Variants in PKD1L1 observed in about 807,000 individuals in gnomAD.
The protein encoded by PKD1L1 is polycystin 1 like 1, transient receptor potential channel interacting.
PKD1L1 carries 236 observed loss-of-function variants against 323.4 expected under a neutral mutation model. The observed-to-expected ratio is 0.73, with a 90% CI of 0.66 to 0.81. The LOEUF is 0.81. Ranked by LOEUF, PKD1L1 falls within the 40% of genes least tolerant of loss-of-function variation. PKD1L1 has a pLI of 0.00. For synonymous variants in PKD1L1, 1,344 were observed against 1,335.0 expected, an observed-to-expected ratio of 1.01 and a Z score of -0.15; for missense variants, 3,320 against 3,508.0, an observed-to-expected ratio of 0.95 and a Z score of 1.35.
chr7:47,955,620 T>C, the PKD1L1 span, among the ~76,000 whole-genome samples: 6 of 152,210 alleles, frequency 3.9e-5, no homozygotes, highest in Non-Finnish European at 5.9e-5. Flanking sequence ...CAAACCATAG[T>C]TTATTTAACC....
intron 2 of PKD1L1, among the ~76,000 whole-genome samples, chr7:47,940,635 AG>A (rs1415687380): frequency 6.6e-6 from 1 of 152,220 alleles, no homozygotes; most frequent in Non-Finnish European, 1.5e-5. Context: ...TGAGGGTCAA[AG>A]GTCCTGCTCA....
At chr7:47,932,160 G>A in intron 4 of PKD1L1, 104 bp from the exon 5 acceptor site, 1 of 1,476,860 alleles carries the variant, frequency 6.8e-7, no homozygotes, top group Admixed American at 2.2e-5. Flanking sequence ...AGGCTTTGCT[G>A]GAAATTCCCT....
chr7:47,879,982 A>T (rs1484245228), intron 21 of PKD1L1, among the ~76,000 whole-genome samples: 2 of 151,392 alleles, frequency 1.3e-5, no homozygotes, highest in Non-Finnish European at 2.9e-5. Context: ...TGCTTGTCAT[A>T]TGGAATGAAA....
Position 47,839,629 on chromosome 7 carries a change from GA to G in PKD1L1, c.5585del (p.Ile1862ThrfsTer19). ...APAQLGLLRK[I>X]RLWHDSRGPS... ...GCCCACGGCTGTCGTGCCAGAGGCG[GA>G]TCTTCCTCAGCAGGCCCAGTTGGGC... On this transcript the variant is annotated frameshift_variant, in exon 36 of 57. Coordinates refer to ENST00000289672, the MANE Select transcript of PKD1L1 (RefSeq NM_138295.5). LOFTEE classifies it high-confidence loss of function. The surrounding 1 kb of genome is among the most constrained non-coding windows in gnomAD (Gnocchi z 4.3). 6.3e-7 allele frequency: 1 copy of G among 1,580,678 alleles called. No homozygotes were observed. Among genetic ancestry groups the G allele is most frequent in the Non-Finnish European group, 8.6e-7 (1 of 1,163,154 alleles).
At chr7:47,791,825 C>T (rs1371135560) in intron 56 of PKD1L1, among the ~76,000 whole-genome samples, 1 of 152,144 alleles carries the variant, frequency 6.6e-6, no homozygotes, top group East Asian at 1.9e-4. Flanking sequence ...CAGCTCTGGG[C>T]CAGCAGAGTA....
intron 53 of PKD1L1, among the ~76,000 whole-genome samples, chr7:47,801,502 A>C (rs918696029): frequency 6.6e-6 from 1 of 152,186 alleles, no homozygotes; most frequent in African/African-American, 2.4e-5. Context: ...ATGTCAGACC[A>C]TCAGGCGGTC....
intron 30 of PKD1L1, 78 bp from the exon 31 acceptor site, chr7:47,853,305 GT>G (rs1785822204): frequency 1.9e-6 from 2 of 1,072,560 alleles, no homozygotes; most frequent in African/African-American, 3.1e-5. Flanking sequence ...TCTATCAAGA[GT>G]TTACTCAATT....
intron 47 of PKD1L1, 78 bp from the exon 48 acceptor site, chr7:47,814,092 G>A (rs1336348346): frequency 1.1e-5 from 13 of 1,192,414 alleles, no homozygotes; most frequent in Admixed American, 1.8e-5. Flanking sequence ...CTCAAAAGGC[G>A]TGGGGCTCTG....
chr7:47,860,957 G>A (rs971736277), intron 26 of PKD1L1, among the ~76,000 whole-genome samples: 1 of 152,176 alleles, frequency 6.6e-6, no homozygotes, highest in East Asian at 1.9e-4. Flanking sequence ...GAAGGTGAGT[G>A]CAGCGAGGTG....
intron 7 of PKD1L1, among the ~76,000 whole-genome samples, chr7:47,922,470 G>A (rs941456550): frequency 2.6e-5 from 4 of 151,758 alleles, no homozygotes; most frequent in African/African-American, 4.8e-5. Flanking sequence ...AGTGAGGAGC[G>A]TCTCTGCCCG....
chr7:47,880,123 A>G (rs1022871023), intron 21 of PKD1L1, among the ~76,000 whole-genome samples: 1 of 148,964 alleles, frequency 6.7e-6, no homozygotes, highest in Non-Finnish European at 1.5e-5. Flanking sequence ...TTCAATGAAC[A>G]TCAGTGGCAC....
chr7:47,921,260 A>G lies in PKD1L1; in HGVS notation c.1061-5661T>C, dbSNP rs1036034279. ...TCTCAAAAAAAAAAAAAAAAAAAAG[A>G]TATACAAATGGCCAGCAAACATATG... On this transcript the variant is annotated intron_variant, in intron 7 of 56. Coordinates refer to ENST00000289672, the MANE Select transcript of PKD1L1 (RefSeq NM_138295.5). 2.1e-5 allele frequency among the ~76,000 whole-genome samples: 3 copies of G among 143,804 alleles called. No individual in the cohort carries two copies. The Admixed American group carries it at 2.1e-4, about 10-fold the overall frequency. 94.3% of individuals were successfully genotyped at this position (143,804 alleles called of 152,430 possible).
At chr7:47,890,475 C>T (rs554655475) in intron 16 of PKD1L1, 67 bp downstream of exon 16, 32 of 1,502,734 alleles carry the variant, frequency 2.1e-5, no homozygotes, top group South Asian at 1.4e-4. Context: ...ATTCCTTTCA[C>T]GGATGCTAGC....
chr7:47,850,178 T>A (rs995272886), intron 31 of PKD1L1, among the ~76,000 whole-genome samples: 4 of 151,860 alleles, frequency 2.6e-5, no homozygotes, highest in African/African-American at 9.7e-5. Context: ...TAAAATAAAA[T>A]AAAGGAAACA....
intron 49 of PKD1L1, 68 bp from the exon 50 acceptor site, chr7:47,812,119 C>T: frequency 7.6e-7 from 1 of 1,313,218 alleles, no homozygotes; most frequent in South Asian, 1.3e-5. Flanking sequence ...CTGAGGCTCC[C>T]AGCTGCAGGT....
intron 56 of PKD1L1, 84 bp downstream of exon 56, chr7:47,792,543 T>C: frequency 2.2e-6 from 3 of 1,355,356 alleles, no homozygotes; most frequent in Non-Finnish European, 2.0e-6. Context: ...ACCTTATAAT[T>C]TGGAAAAACA....
intron 56 of PKD1L1, among the ~76,000 whole-genome samples, chr7:47,781,796 A>C (rs1386857563): frequency 2.0e-5 from 3 of 152,156 alleles, no homozygotes; most frequent in Non-Finnish European, 2.9e-5. Context: ...CATGTTTTGC[A>C]TAAAACATTG....
At chr7:47,891,334 T>C (rs890792568) in intron 15 of PKD1L1, among the ~76,000 whole-genome samples, 2 of 152,294 alleles carry the variant, frequency 1.3e-5, no homozygotes, top group Admixed American at 1.3e-4. Flanking sequence ...AAGATAAACA[T>C]GGCTGCTCCG....
At chr7:47,922,887 G>A (rs944382493) in intron 7 of PKD1L1, among the ~76,000 whole-genome samples, 9 of 152,224 alleles carry the variant, frequency 5.9e-5, no homozygotes, top group Admixed American at 2.6e-4. Flanking sequence ...CGGTTTTGTC[G>A]AATAGAAAAG....
Sources: allele counts gnomAD v4.1 joint callset (sites outside exome capture counted in the v4.1 genomes callset), GRCh38; gene constraint gnomAD v4.1.1; non-coding constraint Gnocchi (gnomAD v3.1); transcripts MANE v1.5; gene names NCBI Gene and HGNC (gene_info 2026-07-23, HGNC 2026-07-21).